Variants in ATG9A observed in about 807,000 individuals in gnomAD.
The protein encoded by ATG9A is autophagy-related protein 9A.
Under a neutral mutation model 87.1 loss-of-function variants are expected in ATG9A, and 21 were observed. That is an observed-to-expected ratio of 0.24 (90% CI 0.17 to 0.35). The LOEUF is 0.35. Ranked by LOEUF, ATG9A falls within the 10% of genes least tolerant of loss-of-function variation. The pLI, the probability that ATG9A is intolerant of heterozygous loss-of-function variation, is 1.00. For missense variants in ATG9A, 836 were observed against 1,107.3 expected (o/e 0.76, Z 3.48); for synonymous variants, 422 against 441.3 (o/e 0.96, Z 0.55).
rs752441032 is a variant in ATG9A, at chr2:219,222,341, C to G, written c.1958G>C (p.Arg653Pro). 2.5e-6 allele frequency: 4 copies of G among 1,613,046 alleles called. No individual in the cohort carries two copies. The highest frequency in any genetic ancestry group is 3.4e-6 in the Non-Finnish European group (4 of 1,179,960). ...CCCGGGTTGCAGCGGGGAGAAGGAG[C>G]GCAGGGCAGAGGCGACTTCAGCCCT... is the stretch of plus-strand genomic sequence containing the variant. ...RHRAEVASAL[R>P]SFSPLQPGQA... is the part of the protein sequence containing the mutation. The change falls in exon 12 of 16, where the codon CGC (arginine) becomes CCC (proline). Residue 653 changes from arginine (R) to proline (P), a missense_variant. Arg to Pro is a moderately radical substitution (Grantham distance 103). Coordinates refer to ENST00000361242, the MANE Select transcript of ATG9A (RefSeq NM_001077198.3). The surrounding 1 kb of genome is among the most constrained non-coding windows in gnomAD (Gnocchi z 4.3).
At position 219,222,521 on chromosome 2, in the gene ATG9A, ATC is replaced by A; in HGVS notation, c.1849-73_1849-72del. Reference sequence around the variant, plus strand: ...TCTCTGGGGTCCCCTAGTATTCTGTATCTCAGGCCCCAGTGGCACATACTGAA... The same window carrying A: ...TCTCTGGGGTCCCCTAGTATTCTGTATCAGGCCCCAGTGGCACATACTGAA... On this transcript the variant is annotated intron_variant, in intron 11 of 15. Transcript: ENST00000361242. This position sits in a 1 kb window ranked among gnomAD's most constrained non-coding sequence, Gnocchi z 4.3. 6.4e-7 allele frequency: 1 copy of A among 1,557,040 alleles called. No individual in the cohort carries two copies. The highest frequency in any genetic ancestry group is 8.7e-7 in the Non-Finnish European group (1 of 1,150,304).
Position 219,229,056 on chromosome 2 carries a change from C to G in ATG9A, c.-82+479G>C, listed in dbSNP as rs1950940181. On this transcript the variant is annotated intron_variant, in intron 1 of 15. Coordinates refer to ENST00000361242, the MANE Select transcript of ATG9A (RefSeq NM_001077198.3). The surrounding 1 kb of genome is among the most constrained non-coding windows in gnomAD (Gnocchi z 4.2). ...GCCGTGGATCTTGGCCCAGCCTGGC[C>G]CCGGTGGGATTCCCTGGGCTAGTGA... is the stretch of plus-strand genomic sequence containing the variant. 6.6e-6 allele frequency: 1 copy of G among 152,324 alleles called. No individual in the cohort carries two copies. The highest frequency in any genetic ancestry group is 2.1e-4 in the South Asian group (1 of 4,840). 9.4% of individuals were successfully genotyped at this position (152,324 alleles called of 1,614,324 possible).
At position 219,219,825 on chromosome 2, in the gene ATG9A, G is replaced by A. The variant is rs1431583464; in HGVS notation, c.*622C>T. On this transcript the variant is annotated 3_prime_UTR_variant, in exon 16 of 16. Coordinates refer to ENST00000361242, the MANE Select transcript of ATG9A (RefSeq NM_001077198.3). ...TTTTAGTGTCAAAATATAGCGTTGAGGGGAGCTGGACGCTAGGGTCTTCAC... is the reference window on the plus strand; with the variant it reads ...TTTTAGTGTCAAAATATAGCGTTGAAGGGAGCTGGACGCTAGGGTCTTCAC... The A allele has an allele frequency of 6.6e-6, 1 of 152,436 alleles. No homozygotes were observed. The highest frequency in any genetic ancestry group is 1.5e-5 in the Non-Finnish European group (1 of 68,150). 9.4% of individuals were successfully genotyped at this position (152,436 alleles called of 1,614,324 possible).
In ATG9A at chr2:219,220,336, A is replaced by G. The variant is rs549750187; in HGVS notation, c.*111T>C. 17 of 1,416,034 alleles carry G rather than the reference A, an allele frequency of 1.2e-5. No homozygotes were observed. In the South Asian group the frequency reaches 1.2e-4, roughly 10 times the overall value. 87.7% of individuals were successfully genotyped at this position (1,416,034 alleles called of 1,614,324 possible). ...GGCCAGGCACAGACACACAAACACC[A>G]CACACGTGGGGCCAGGGAACACTCA... On this transcript the variant is annotated 3_prime_UTR_variant, in exon 16 of 16. Transcript: ENST00000361242.
chr2:219,225,931 T>C (rs536178153), intron 5 of ATG9A, among the ~76,000 whole-genome samples: 1 of 152,346 alleles, frequency 6.6e-6, no homozygotes, highest in South Asian at 2.1e-4. Context: ...GAGGGCTTCC[T>C]AACCCCTTCC....
chr2:219,226,802 G>T, intron 5 of ATG9A, 67 bp downstream of exon 5: 2 of 1,458,296 alleles, frequency 1.4e-6, no homozygotes, highest in South Asian at 1.1e-5. Context: ...GGCCAAGTGT[G>T]AGTGCAAGGA....
rs34309756 is a variant in ATG9A at position 219,223,087 on chromosome 2, CTTT to C, written c.1600-197_1600-195del. 3.7e-5 allele frequency among the ~76,000 whole-genome samples: 5 copies of C among 134,852 alleles called. No individual in the cohort carries two copies. The highest frequency in any genetic ancestry group is 8.4e-5 in the African/African-American group (3 of 35,752). 88.5% of individuals were successfully genotyped at this position (134,852 alleles called of 152,430 possible). The stretch of plus-strand genomic sequence containing the variant: ...GCTGAGCCAGTTACTTGTGTTGTGC[CTTT>C]TTTTTTTTTTTTTTTGAGATGGAGT... On this transcript the variant is annotated intron_variant, in intron 10 of 15. Coordinates refer to ENST00000361242, the MANE Select transcript of ATG9A (RefSeq NM_001077198.3). The surrounding 1 kb of genome is among the most constrained non-coding windows in gnomAD (Gnocchi z 4.7).
rs1220908653 is a variant in ATG9A at position 219,221,061 on chromosome 2, C to T, written c.2368+19G>A. 1 of 1,611,374 alleles carries T rather than the reference C, an allele frequency of 6.2e-7. No homozygotes were observed. Among genetic ancestry groups the T allele is most frequent in the South Asian group, 1.1e-5 (1 of 90,796 alleles). Reference sequence around the variant, plus strand: ...CCTTCCCTGCAGCCTCTGTTTCCTCCTATACCCCCACTGGATACCTGTGAT... The same window carrying T: ...CCTTCCCTGCAGCCTCTGTTTCCTCTTATACCCCCACTGGATACCTGTGAT... On this transcript the variant is annotated intron_variant, in intron 14 of 15. Coordinates refer to ENST00000361242, the MANE Select transcript of ATG9A (RefSeq NM_001077198.3).
chr2:219,220,455 G>C lies in ATG9A; in HGVS notation c.2515-3C>G. 3 of 1,613,818 alleles carry C rather than the reference G, an allele frequency of 1.9e-6. No homozygotes were observed. The highest frequency in any genetic ancestry group is 1.7e-6 in the Non-Finnish European group (2 of 1,179,748). ...ACCCTGCTCAGCCTTGTCTATACCT[G>C]TGGGGAGAAAGGGTTGGTAATGGAG... On this transcript the variant is annotated splice_polypyrimidine_tract_variant and splice_region_variant and intron_variant, in intron 15 of 15. Transcript: ENST00000361242.
In ATG9A at chr2:219,222,219, C is replaced by T. The variant is rs1294434293; in HGVS notation, c.2028-52G>A. On this transcript the variant is annotated intron_variant, in intron 12 of 15. Coordinates refer to ENST00000361242, the MANE Select transcript of ATG9A (RefSeq NM_001077198.3). The surrounding 1 kb of genome is among the most constrained non-coding windows in gnomAD (Gnocchi z 4.3). ...CAGCTGTGAACTTCTCTGAGACCCACACAAGCTGCTGAGGGCTGCCGTGCC... is the reference window on the plus strand; with the variant it reads ...CAGCTGTGAACTTCTCTGAGACCCATACAAGCTGCTGAGGGCTGCCGTGCC... 1.7e-5 allele frequency: 27 copies of T among 1,613,058 alleles called. No individual in the cohort carries two copies. The highest frequency in any genetic ancestry group is 3.3e-5 in the Admixed American group (2 of 59,946).
Position 219,225,000 on chromosome 2 carries a change from G to A in ATG9A, c.516+71C>T. The A allele has an allele frequency of 6.3e-7, 1 of 1,593,702 alleles. No homozygotes were observed. Among genetic ancestry groups the A allele is most frequent in the South Asian group, 1.1e-5 (1 of 90,346 alleles). On this transcript the variant is annotated intron_variant, in intron 7 of 15. Transcript: ENST00000361242. The surrounding 1 kb of genome is among the most constrained non-coding windows in gnomAD (Gnocchi z 7.7). ...TCAATGACAGATAAGGATAACTGAT[G>A]CCCAGGAATACACCCACACCTCCCA...
rs1349892462 is a variant in ATG9A, at chr2:219,223,668, G to A, written c.1516C>T (p.Arg506Ter). 6.2e-7 allele frequency: 1 copy of A among 1,613,872 alleles called. No individual in the cohort carries two copies. Among genetic ancestry groups the A allele is most frequent in the Non-Finnish European group, 8.5e-7 (1 of 1,180,008 alleles). Residue 506 changes from arginine (R) to a stop codon, truncating the protein, a stop_gained, in exon 10 of 16, where the codon CGA becomes TGA. Coordinates refer to ENST00000361242, the MANE Select transcript of ATG9A (RefSeq NM_001077198.3). LOFTEE classifies it high-confidence loss of function. The surrounding 1 kb of genome is among the most constrained non-coding windows in gnomAD (Gnocchi z 4.7). ...CCAACGACCTCCACGGTGAAGTTTC[G>A]GAAGAAGTCTATAATCTCCAGGGCC... ...PRALEIIDFF[R>*]NFTVEVVGVG...
chr2:219,225,569 C>T lies in ATG9A; in HGVS notation c.216G>A (p.Gln72=). ...MLIGEIFELM[Q]FLFVVAFTTF... ...TAGTGAAGGCAACCACAAAGAGGAA[C>T]TGCCTGGGGAGTTGGGAAGAAGGGG... The change falls in exon 6 of 16, where the codon CAG becomes CAA. Residue 72 remains glutamine (Q), a synonymous_variant. Coordinates refer to ENST00000361242, the MANE Select transcript of ATG9A (RefSeq NM_001077198.3). The T allele has an allele frequency of 6.2e-7, 1 of 1,613,820 alleles. No homozygotes were observed. Among genetic ancestry groups the T allele is most frequent in the Non-Finnish European group, 8.5e-7 (1 of 1,179,794 alleles).
chr2:219,224,677 A>G lies in ATG9A; in HGVS notation c.694T>C (p.Phe232Leu), dbSNP rs1223002882. Residue 232 changes from phenylalanine to leucine, a missense_variant, in exon 8 of 16, where the codon TTC (phenylalanine) becomes CTC (leucine). This residue lies in a region of ATG9A where 512 missense variants were observed against 759.6 expected (regional missense o/e 0.67). Transcript: ENST00000361242. The surrounding 1 kb of genome is among the most constrained non-coding windows in gnomAD (Gnocchi z 7.7). ...GCTTCCCCGAGGCCAGGCAGGCGGA[A>G]GCGCAGAGGCAGGAGGGATTTGTTA... is the stretch of plus-strand genomic sequence containing the variant. Reference protein sequence around the residue: ...LVNKSLLPLRFRLPGLGEAVF... With the variant: ...LVNKSLLPLRLRLPGLGEAVF... 2 of 1,614,252 alleles carry G rather than the reference A, an allele frequency of 1.2e-6. No individual in the cohort carries two copies. The highest frequency in any genetic ancestry group is 2.2e-5 in the South Asian group (2 of 91,092).
chr2:219,220,687 G>A lies in ATG9A; in HGVS notation c.2514+60C>T, dbSNP rs557279993. 168 of 1,590,912 alleles carry A rather than the reference G, an allele frequency of 1.1e-4. 4 individuals are homozygous for A. The South Asian group carries it at 1.8e-3, about 17-fold the overall frequency. ...CATATCTTCCTTCCCCTGAAAAGCTGTTACCTCACCCTGGAAGTTACTATT... is the reference window on the plus strand; with the variant it reads ...CATATCTTCCTTCCCCTGAAAAGCTATTACCTCACCCTGGAAGTTACTATT... On this transcript the variant is annotated intron_variant, in intron 15 of 15. Transcript: ENST00000361242.
In ATG9A at chr2:219,222,962, G is replaced by C. The variant is rs188934878; in HGVS notation, c.1600-69C>G. 1 of 1,589,604 alleles carries C rather than the reference G, an allele frequency of 6.3e-7. No individual in the cohort carries two copies. Among genetic ancestry groups the C allele is most frequent in the South Asian group, 1.1e-5 (1 of 89,166 alleles). On this transcript the variant is annotated intron_variant, in intron 10 of 15. Coordinates refer to ENST00000361242, the MANE Select transcript of ATG9A (RefSeq NM_001077198.3). This position sits in a 1 kb window ranked among gnomAD's most constrained non-coding sequence, Gnocchi z 4.3. ...GAGCCTTCCTGCACCTTTCCTGTTA[G>C]TGGGGAGGCCTTACCCTTGGAGAAC...
At chr2:219,220,499 T>A (rs1295685907) in intron 15 of ATG9A, 47 bp from the exon 16 acceptor site, 2 of 1,610,248 alleles carry the variant, frequency 1.2e-6, no homozygotes, top group East Asian at 2.2e-5. Flanking sequence ...CAGCTTCTGG[T>A]TGATACCTGC....
Position 219,220,873 on chromosome 2 carries a change from C to A in ATG9A, c.2388G>T (p.Arg796Ser). The A allele has an allele frequency of 6.2e-7, 1 of 1,613,164 alleles. No individual in the cohort carries two copies. Among genetic ancestry groups the A allele is most frequent in the South Asian group, 1.1e-5 (1 of 91,060 alleles). The change falls in exon 15 of 16, where the codon AGG (arginine) becomes AGT (serine). Residue 796 changes from arginine to serine, a missense_variant. This residue lies in a region of ATG9A where 324 missense variants were observed against 347.6 expected (regional missense o/e 0.93). Coordinates refer to ENST00000361242, the MANE Select transcript of ATG9A (RefSeq NM_001077198.3). ...GGITDPGTVP[R>S]VPSHFSRLPL... Reference sequence around the variant, plus strand: ...GCAGCCGAGAGAAATGAGAGGGAACCCTGGGCACTGTGCCAGGATCTGGAG... The same window carrying A: ...GCAGCCGAGAGAAATGAGAGGGAACACTGGGCACTGTGCCAGGATCTGGAG...
In ATG9A at chr2:219,229,454, G is replaced by T. The variant is rs1045201324; in HGVS notation, c.-82+81C>A. ...CCCCTTCCTCCGTTACCCGCCGCGA[G>T]CTCACTTAGGGCTCCGCAGGCACCC... On this transcript the variant is annotated intron_variant, in intron 1 of 15. Coordinates refer to ENST00000361242, the MANE Select transcript of ATG9A (RefSeq NM_001077198.3). This position sits in a 1 kb window ranked among gnomAD's most constrained non-coding sequence, Gnocchi z 4.2. 6.6e-6 allele frequency: 1 copy of T among 152,520 alleles called. No individual in the cohort carries two copies. The highest frequency in any genetic ancestry group is 2.4e-5 in the African/African-American group (1 of 41,420). 9.4% of individuals were successfully genotyped at this position (152,520 alleles called of 1,614,324 possible). A position where few individuals can be genotyped will look rare whatever the true frequency, so the allele number is the denominator to read the frequency against.
Sources: allele counts gnomAD v4.1 joint callset (sites outside exome capture counted in the v4.1 genomes callset), GRCh38; gene constraint gnomAD v4.1.1; regional missense constraint gnomAD v4.1.1; non-coding constraint Gnocchi (gnomAD v3.1); transcripts MANE v1.5; gene names NCBI Gene and HGNC (gene_info 2026-07-23, HGNC 2026-07-21).